The following ESR1 variants were observed in gnomAD, a reference collection of about 807,000 sequenced individuals.
ESR1 encodes estrogen receptor.
In ESR1, 12 loss-of-function variants were observed where a neutral mutation model predicts 52.7. That is an observed-to-expected ratio of 0.23 (90% CI 0.15 to 0.37). The LOEUF (loss-of-function observed/expected upper bound fraction) is 0.37, where lower values mean the gene tolerates loss of function less well. ESR1 is among the 10% of genes least tolerant of loss of function. The pLI, the probability that ESR1 is intolerant of heterozygous loss-of-function variation, is 1.00. For synonymous variants in ESR1, 305 were observed against 316.8 expected, an observed-to-expected ratio of 0.96 and a Z score of 0.39; for missense variants, 584 against 779.7, an observed-to-expected ratio of 0.75 and a Z score of 2.99.
At chr6:151,920,080 C>A (rs892629547) in intron 3 of ESR1, among the ~76,000 whole-genome samples, 1 of 152,100 alleles carries the variant, frequency 6.6e-6, no homozygotes, top group Non-Finnish European at 1.5e-5. Flanking sequence ...GTTCTTCTGA[C>A]AACTTTAATT....
chr6:151,943,133 C>T (rs1261762625), intron 3 of ESR1, among the ~76,000 whole-genome samples: 1 of 152,138 alleles, frequency 6.6e-6, no homozygotes, highest in Admixed American at 6.5e-5. Flanking sequence ...ATAATCCCAG[C>T]ACTTTGGGAG....
In ESR1 at chr6:151,878,982, G is replaced by A. The variant is rs57773339; in HGVS notation, c.644-1673G>A. ...CAGAGAAGAGGGTTGTGTTGGGAGC[G>A]TACATTCTGAGTGATCTGCATTTGG... On this transcript the variant is annotated intron_variant, in intron 2 of 7. Coordinates refer to ENST00000206249, the MANE Select transcript of ESR1 (RefSeq NM_000125.4). 7.1e-3 allele frequency among the ~76,000 whole-genome samples: 1,083 copies of A among 152,220 alleles called. 8 individuals carry two copies. Among genetic ancestry groups the A allele is most frequent in the African/African-American group, 0.025 (1,031 of 41,534 alleles).
chr6:152,033,093 G>A (rs2044887493), intron 5 of ESR1, among the ~76,000 whole-genome samples: 2 of 152,268 alleles, frequency 1.3e-5, no homozygotes, highest in South Asian at 4.1e-4. Flanking sequence ...GCCATATGTA[G>A]AAAGCTGAAA....
At chr6:151,833,675 C>T (rs1032890066) in intron 1 of ESR1, among the ~76,000 whole-genome samples, 3 of 152,164 alleles carry the variant, frequency 2.0e-5, no homozygotes, top group Admixed American at 2.0e-4. Context: ...CAGTCCCTGC[C>T]ACAGTGGAGG....
chr6:151,819,355 C>T (rs904319777), intron 1 of ESR1, among the ~76,000 whole-genome samples: 14 of 152,146 alleles, frequency 9.2e-5, no homozygotes, highest in African/African-American at 1.7e-4. Context: ...ACCATGGACT[C>T]GTACTGGTTT....
chr6:151,997,839 A>C (rs2041626437), intron 4 of ESR1, among the ~76,000 whole-genome samples: 1 of 152,154 alleles, frequency 6.6e-6, no homozygotes, highest in African/African-American at 2.4e-5. Context: ...GTAATGGAGA[A>C]TGGAAAATCT....
chr6:151,807,432 C>A, upstream of ESR1: 4 of 204,672 alleles, frequency 2.0e-5, no homozygotes, highest in South Asian at 2.9e-4. Context: ...TTCCCTGGGC[C>A]ACCTTTAGCA....
chr6:152,045,931 T>C (rs2046196383), intron 5 of ESR1, among the ~76,000 whole-genome samples: 1 of 152,226 alleles, frequency 6.6e-6, no homozygotes, highest in South Asian at 2.1e-4. Flanking sequence ...ACTCTTATTG[T>C]CCTATTTGCA....
intron 3 of ESR1, among the ~76,000 whole-genome samples, chr6:151,935,786 T>A (rs1039206504): frequency 6.6e-5 from 10 of 152,308 alleles, no homozygotes; most frequent in African/African-American, 2.4e-4. Context: ...TTTAATATAC[T>A]CCAACAAATG....
intron 6 of ESR1, among the ~76,000 whole-genome samples, chr6:152,092,146 T>C (rs1429100835): frequency 6.6e-6 from 1 of 152,180 alleles, no homozygotes. Flanking sequence ...GGTTTGCCCA[T>C]TTTTCTGATA....
chr6:151,667,868 G>A (rs1304152226), intron 1 of ESR1, among the ~76,000 whole-genome samples: 1 of 152,196 alleles, frequency 6.6e-6, no homozygotes, highest in African/African-American at 2.4e-5. Flanking sequence ...ATCCAGGAAA[G>A]AGAGAAATTA....
chr6:152,094,244 A>G lies in ESR1; in HGVS notation c.1370-141A>G. On this transcript the variant is annotated intron_variant, in intron 6 of 7. Transcript: ENST00000206249. This position sits in a 1 kb window ranked among gnomAD's most constrained non-coding sequence, Gnocchi z 4.6. ...ATTTTACACTGTAACCCGGTTTTAA[A>G]TGGGTCCAGAGCATCCCCATTGCTA... 1.2e-6 allele frequency: 1 copy of G among 801,140 alleles called. No homozygotes were observed. The highest frequency in any genetic ancestry group is 2.2e-6 in the Non-Finnish European group (1 of 451,958). 49.6% of individuals were successfully genotyped at this position (801,140 alleles called of 1,614,324 possible).
chr6:151,981,631 G>C (rs1202043446), intron 4 of ESR1, among the ~76,000 whole-genome samples: 1 of 152,170 alleles, frequency 6.6e-6, no homozygotes, highest in African/African-American at 2.4e-5. Context: ...TGAGAAATAC[G>C]TGTAGGATGC....
chr6:152,050,058 C>G (rs146243792), intron 5 of ESR1, among the ~76,000 whole-genome samples: 2 of 152,346 alleles, frequency 1.3e-5, no homozygotes, highest in African/African-American at 4.8e-5. Context: ...TGTTGGTCGG[C>G]TTCCTTTCAT....
intron 2 of ESR1, among the ~76,000 whole-genome samples, chr6:151,726,336 CTT>C: frequency 6.8e-6 from 1 of 147,300 alleles, no homozygotes; most frequent in African/African-American, 2.5e-5. Flanking sequence ...TAAAGATTTT[CTT>C]TTTTTTTTTT....
intron 2 of ESR1, among the ~76,000 whole-genome samples, chr6:151,868,245 A>T (rs1013114063): frequency 1.3e-5 from 2 of 152,080 alleles, no homozygotes; most frequent in Non-Finnish European, 2.9e-5. Flanking sequence ...CTCCTGCCTC[A>T]GCCTCCCAAG....
At chr6:152,072,815 T>G (rs992241506) in intron 6 of ESR1, among the ~76,000 whole-genome samples, 3 of 152,238 alleles carry the variant, frequency 2.0e-5, no homozygotes, top group African/African-American at 7.2e-5. Context: ...AAACCCAGAA[T>G]GCAAAATTCA....
At chr6:151,672,974 C>A (rs1366903091) in intron 1 of ESR1, among the ~76,000 whole-genome samples, 2 of 151,276 alleles carry the variant, frequency 1.3e-5, no homozygotes, top group Non-Finnish European at 2.9e-5. Flanking sequence ...GACTACAGGC[C>A]CCCGCCACCA....
upstream of ESR1, among the ~76,000 whole-genome samples, chr6:151,685,850 A>G (rs1778643699): frequency 6.6e-6 from 1 of 152,202 alleles, no homozygotes; most frequent in Non-Finnish European, 1.5e-5. Flanking sequence ...GAGGAGGCAC[A>G]TAATTTATGA....
Sources: allele counts gnomAD v4.1 joint callset (sites outside exome capture counted in the v4.1 genomes callset), GRCh38; gene constraint gnomAD v4.1.1; non-coding constraint Gnocchi (gnomAD v3.1); transcripts MANE v1.5; gene names NCBI Gene and HGNC (gene_info 2026-07-23, HGNC 2026-07-21).